The following XXYLT1 variants were observed in gnomAD, a reference collection of about 807,000 sequenced individuals.
The protein encoded by XXYLT1 is UDP-xylose:alpha-xyloside alpha-1,3-xylosyltransferase.
Under a neutral mutation model 28.9 loss-of-function variants are expected in XXYLT1, and 20 were observed. The ratio of observed to expected loss-of-function variants is 0.69; its 90% confidence interval spans 0.49 to 1.00. The LOEUF is 1.00. Among genes scored for constraint, XXYLT1 ranks in the 50% least tolerant of loss-of-function variants. The pLI is 0.00. For synonymous variants in XXYLT1, 257 were observed against 253.8 expected (o/e 1.01, Z -0.12); for missense variants, 542 against 560.1 (o/e 0.97, Z 0.33).
chr3:195,200,942 A>T (rs1394039718), intron 2 of XXYLT1, among the ~76,000 whole-genome samples: 1 of 152,144 alleles, frequency 6.6e-6, no homozygotes, highest in Non-Finnish European at 1.5e-5. Context: ...TCAACTAGAG[A>T]TGTACATTGA....
chr3:195,203,095 C>T (rs1249516173), intron 2 of XXYLT1, among the ~76,000 whole-genome samples: 2 of 151,840 alleles, frequency 1.3e-5, no homozygotes, highest in Non-Finnish European at 2.9e-5. Flanking sequence ...AGGTGTGAGC[C>T]ACCACACCTG....
intron 2 of XXYLT1, among the ~76,000 whole-genome samples, chr3:195,179,929 G>A (rs950096893): frequency 2.0e-5 from 3 of 152,150 alleles, no homozygotes; most frequent in Non-Finnish European, 4.4e-5. Context: ...ATGCCTCCCC[G>A]TGATCCCTCG....
At chr3:195,182,659 T>C (rs890590388) in intron 2 of XXYLT1, among the ~76,000 whole-genome samples, 2 of 152,170 alleles carry the variant, frequency 1.3e-5, no homozygotes, top group Non-Finnish European at 2.9e-5. Flanking sequence ...CGAGGTCTGC[T>C]TTCCCCATCA....
chr3:195,230,410 T>G (rs908594532), intron 1 of XXYLT1, among the ~76,000 whole-genome samples: 1 of 152,254 alleles, frequency 6.6e-6, no homozygotes, highest in Admixed American at 6.5e-5. Context: ...TTGTCCATTT[T>G]CACTTTGATT....
At chr3:195,182,207 C>T (rs1323198197) in intron 2 of XXYLT1, among the ~76,000 whole-genome samples, 1 of 152,174 alleles carries the variant, frequency 6.6e-6, no homozygotes, top group Non-Finnish European at 1.5e-5. Context: ...TGGGAAACTA[C>T]CATATCCGCC....
At chr3:195,215,459 AT>A (rs1723529949) in intron 2 of XXYLT1, among the ~76,000 whole-genome samples, 1 of 127,424 alleles carries the variant, frequency 7.8e-6, no homozygotes, top group African/African-American at 3.0e-5. Context: ...TAGGCTCAAA[AT>A]AAAAGGATGG....
rs190902106 is a variant in XXYLT1, at chr3:195,247,748, G to A, written c.505-20892C>T. On this transcript the variant is annotated intron_variant, in intron 1 of 3. Transcript: ENST00000310380. ...GGACCCAAGACTTGGTGATTTATAA[G>A]GAAAAGAGGTTTGATGGACTCACAG... is the stretch of plus-strand genomic sequence containing the variant. 6 of 700,278 alleles carry A rather than the reference G, an allele frequency of 8.6e-6. No homozygotes were observed. In the East Asian group the frequency reaches 1.6e-4, roughly 19 times the overall value. The allele number at this position is 700,278 out of a possible 1,614,324, so 43.4% of individuals were successfully genotyped here.
At chr3:195,192,256 C>G (rs57248461) in intron 2 of XXYLT1, among the ~76,000 whole-genome samples, 7,763 of 152,078 alleles carry the variant, frequency 0.051, 608 homozygotes, top group African/African-American at 0.18. Flanking sequence ...AACCCGGCCT[C>G]TATTAAACAA....
intron 1 of XXYLT1, among the ~76,000 whole-genome samples, chr3:195,266,030 G>A (rs1725838793): frequency 1.3e-5 from 2 of 152,200 alleles, no homozygotes; most frequent in African/African-American, 2.4e-5. Context: ...TTTTACAAGT[G>A]TGAGACTGCA....
intron 3 of XXYLT1, among the ~76,000 whole-genome samples, chr3:195,144,004 C>T (rs1719698101): frequency 6.7e-6 from 1 of 148,522 alleles, no homozygotes; most frequent in Non-Finnish European, 1.5e-5. Context: ...AAGCAATTCT[C>T]CTGCTCAGAC....
At chr3:195,101,380 T>G (rs141702260) in intron 3 of XXYLT1, among the ~76,000 whole-genome samples, 126 of 152,398 alleles carry the variant, frequency 8.3e-4, no homozygotes, top group East Asian at 1.2e-3. Context: ...ATCTTTACTC[T>G]CAGGGCATCA....
rs981170865 is a variant in XXYLT1, at chr3:195,195,501, C to G, written c.652+31208G>C. 6.6e-6 allele frequency among the ~76,000 whole-genome samples: 1 copy of G among 152,150 alleles called. No homozygotes were observed. The highest frequency in any genetic ancestry group is 2.4e-5 in the African/African-American group (1 of 41,418). On this transcript the variant is annotated intron_variant, in intron 2 of 3. Transcript: ENST00000310380. The surrounding 1 kb of genome is among the most constrained non-coding windows in gnomAD (Gnocchi z 4.4). ...TTCTTCCACTGGACAGAGCCTCTTT[C>G]AGCTTTAAAAAAATAAAAGGACTCT...
chr3:195,260,354 C>G (rs1358563107), intron 1 of XXYLT1, among the ~76,000 whole-genome samples: 2 of 152,240 alleles, frequency 1.3e-5, no homozygotes, highest in African/African-American at 4.8e-5. Context: ...CCGTGCTGAC[C>G]GCAGCCGCGG....
intron 2 of XXYLT1, among the ~76,000 whole-genome samples, chr3:195,182,549 A>T (rs1722002932): frequency 6.6e-6 from 1 of 152,166 alleles, no homozygotes; most frequent in Admixed American, 6.5e-5. Context: ...TGTGTTACTC[A>T]TGCTGCCAAA....
chr3:195,090,549 G>A (rs1291402978), intron 3 of XXYLT1, among the ~76,000 whole-genome samples: 1 of 151,258 alleles, frequency 6.6e-6, no homozygotes, highest in East Asian at 1.9e-4. Context: ...GACATTTATA[G>A]CACTAAATGC....
chr3:195,141,052 C>G (rs373249376), intron 3 of XXYLT1, among the ~76,000 whole-genome samples: 1 of 152,210 alleles, frequency 6.6e-6, no homozygotes, highest in Non-Finnish European at 1.5e-5. Flanking sequence ...ATCTGCAAAC[C>G]AGGAAGTAGG....
At chr3:195,143,784 T>TTTTATATA (rs1553809415) in intron 3 of XXYLT1, among the ~76,000 whole-genome samples, 3 of 113,922 alleles carry the variant, frequency 2.6e-5, no homozygotes, top group South Asian at 6.1e-4. Flanking sequence ...TGTTCTCTCA[T>TTTTATATA]TATATATATA....
chr3:195,170,936 C>G (rs368628032), intron 2 of XXYLT1, among the ~76,000 whole-genome samples: 1 of 151,974 alleles, frequency 6.6e-6, no homozygotes, highest in Non-Finnish European at 1.5e-5. Context: ...GGTGAGGACA[C>G]GAGCTCATGA....
rs3073321 is a variant in XXYLT1 at position 195,134,826 on chromosome 3, G to GGTGT, written c.785+21619_785+21622dup. Among the ~76,000 whole-genome samples the GGTGT allele has an allele frequency of 3.8e-3, 550 of 145,570 alleles. 5 individuals carry two copies. The highest frequency in any genetic ancestry group is 5.4e-3 in the Non-Finnish European group (362 of 66,488). Reference sequence around the variant, plus strand: ...TGGCTGGCATCATGGCGTGAAGAGGGGTGTGTGTGTGTGTGTGTGTGTGTG... The same window carrying GGTGT: ...TGGCTGGCATCATGGCGTGAAGAGGGGTGTGTGTGTGTGTGTGTGTGTGTGTGTG... On this transcript the variant is annotated intron_variant, in intron 3 of 3. Coordinates refer to ENST00000310380, the MANE Select transcript of XXYLT1 (RefSeq NM_152531.5).
Sources: allele counts gnomAD v4.1 joint callset (sites outside exome capture counted in the v4.1 genomes callset), GRCh38; gene constraint gnomAD v4.1.1; non-coding constraint Gnocchi (gnomAD v3.1); transcripts MANE v1.5; gene names NCBI Gene and HGNC (gene_info 2026-07-23, HGNC 2026-07-21).